The following ANK1 variants were observed in gnomAD, a reference collection of about 807,000 sequenced individuals.
ANK1 encodes the protein ankyrin 1.
In ANK1, 51 loss-of-function variants were observed where a neutral mutation model predicts 210.4. The ratio of observed to expected loss-of-function variants is 0.24; its 90% CI spans 0.19 to 0.31. The LOEUF (loss-of-function observed/expected upper bound fraction) is 0.31. Among genes scored for constraint, ANK1 ranks in the 10% least tolerant of loss-of-function variants. The probability of loss-of-function intolerance (pLI) is 1.00; values close to 1 mark genes in which losing one functional copy is unlikely to be tolerated. For missense variants in ANK1, 2,051 were observed against 2,504.4 expected (o/e 0.82, Z 3.86); for synonymous variants, 967 against 1,025.9 (o/e 0.94, Z 1.10).
At chr8:41,664,194 T>A (rs565580603) in intron 39 of ANK1, 29 of 457,082 alleles carry the variant, frequency 6.3e-5, no homozygotes, top group Non-Finnish European at 1.0e-4. Flanking sequence ...CCGGGTGCAA[T>A]CCCATGGTGG....
At chr8:41,696,330 A>G in intron 26 of ANK1, 33 bp downstream of exon 26, 1 of 1,607,372 alleles carries the variant, frequency 6.2e-7, no homozygotes, top group Non-Finnish European at 8.5e-7. Flanking sequence ...GCACAGGGAC[A>G]GGGGAGAACA....
chr8:41,806,175 C>A (rs376945231), intron 1 of ANK1, among the ~76,000 whole-genome samples: 31 of 152,296 alleles, frequency 2.0e-4, no homozygotes, highest in African/African-American at 7.0e-4. Flanking sequence ...GAAGTTTAGG[C>A]ACTCAAATAT....
chr8:41,706,094 G>A (rs746765759), intron 18 of ANK1, 49 bp downstream of exon 18: 20 of 1,540,902 alleles, frequency 1.3e-5, no homozygotes, highest in Non-Finnish European at 1.6e-5. Context: ...CAATTCTGAA[G>A]TGTGAGCAAG....
In ANK1 at chr8:41,724,474, G is replaced by A. The variant is rs200597167; in HGVS notation, c.693C>T (p.Ser231=). 6.0e-5 allele frequency: 95 copies of A among 1,589,516 alleles called. No homozygotes were observed. The highest frequency in any genetic ancestry group is 3.2e-4 in the African/African-American group (24 of 74,654). ...VAQLLLNRGA[S]VNFTPQNGIT... is the part of the protein sequence containing the mutation. The stretch of plus-strand genomic sequence containing the variant: ...GGGTTACCTGTGGTGTGAAATTGAC[G>A]CTGGCTCCTCTGTTGAGGAGCAACT... The change falls in exon 7 of 43, where the codon AGC becomes AGT. Residue 231 remains serine, a synonymous_variant. Coordinates refer to ENST00000289734, the MANE Select transcript of ANK1 (RefSeq NM_000037.4).
At chr8:41,756,657 G>T (rs1295661586) in intron 2 of ANK1, among the ~76,000 whole-genome samples, 1 of 152,066 alleles carries the variant, frequency 6.6e-6, no homozygotes, top group Non-Finnish European at 1.5e-5. Context: ...TGGCCAGGCT[G>T]GTCTCGAACT....
chr8:41,689,382 C>A (rs944768179), intron 33 of ANK1, among the ~76,000 whole-genome samples: 1 of 151,892 alleles, frequency 6.6e-6, no homozygotes, highest in Non-Finnish European at 1.5e-5. Flanking sequence ...CTTGCCCCAG[C>A]CTCCCAAAGC....
intron 37 of ANK1, 97 bp from the exon 38 acceptor site, chr8:41,673,009 G>A (rs975646795): frequency 7.7e-7 from 1 of 1,299,166 alleles, no homozygotes; most frequent in Non-Finnish European, 1.1e-6. Flanking sequence ...CACACATGCG[G>A]GTGCGGCCAC....
In ANK1 at chr8:41,746,840, C is replaced by G. The variant is rs116501237; in HGVS notation, c.129+11196G>C. On this transcript the variant is annotated intron_variant, in intron 2 of 42. Coordinates refer to ENST00000289734, the MANE Select transcript of ANK1 (RefSeq NM_000037.4). ...AATATCTCCTATGGACTAGAAAGAG[C>G]ATCTATGCCCGAGATCTTGGTATTC... 6.3e-3 allele frequency among the ~76,000 whole-genome samples: 943 copies of G among 148,568 alleles called. 15 individuals carry two copies. The highest frequency in any genetic ancestry group is 0.022 in the African/African-American group (880 of 40,346).
chr8:41,674,404 TC>T (rs151097805), intron 37 of ANK1, among the ~76,000 whole-genome samples: 3 of 152,330 alleles, frequency 2.0e-5, no homozygotes, highest in East Asian at 3.9e-4. Flanking sequence ...TGTTGCTCCC[TC>T]CCATCTCTGA....
In ANK1 at chr8:41,832,740, A is replaced by G. The variant is rs374251041; in HGVS notation, c.126+63615T>C. On this transcript the variant is annotated intron_variant, in intron 1 of 42. Coordinates refer to the ANK1 transcript ENST00000265709. ...AATACAGGATACCCAATACATTTGA[A>G]TTTCAGATAAAAAATAAATAACGTT... 1.4e-3 allele frequency among the ~76,000 whole-genome samples: 209 copies of G among 152,346 alleles called. 2 individuals are homozygous for G. The highest frequency in any genetic ancestry group is 4.9e-3 in the African/African-American group (202 of 41,572).
At position 41,702,131 on chromosome 8, in the gene ANK1, G is replaced by A; in HGVS notation, c.2309C>T (p.Pro770Leu). ...PNEVSSDGTTPLAIAKRLGYI... is the reference protein window; with the variant it reads ...PNEVSSDGTTLLAIAKRLGYI... Reference sequence around the variant, plus strand: ...GCCCAAGCGCTTGGCTATGGCCAGAGGTGTGGTTCCATCCTGGGGAAAGAG... The same window carrying A: ...GCCCAAGCGCTTGGCTATGGCCAGAAGTGTGGTTCCATCCTGGGGAAAGAG... The change falls in exon 21 of 43, where the codon CCT becomes CTT. Residue 770 changes from proline to leucine, a missense_variant. Coordinates refer to ENST00000289734, the MANE Select transcript of ANK1 (RefSeq NM_000037.4). 1 of 1,614,176 alleles carries A rather than the reference G, an allele frequency of 6.2e-7. No individual in the cohort carries two copies. Among genetic ancestry groups the A allele is most frequent in the Non-Finnish European group, 8.5e-7 (1 of 1,180,038 alleles).
At chr8:41,679,221 A>G (rs1429936029) in intron 37 of ANK1, among the ~76,000 whole-genome samples, 1 of 152,090 alleles carries the variant, frequency 6.6e-6, no homozygotes, top group Non-Finnish European at 1.5e-5. Flanking sequence ...GACATTGCGA[A>G]TTTTACCTTG....
intron 2 of ANK1, among the ~76,000 whole-genome samples, chr8:41,750,394 G>A (rs764975802): frequency 1.2e-4 from 19 of 152,308 alleles, no homozygotes; most frequent in East Asian, 1.9e-4. Context: ...TACTCGACCC[G>A]TGGGGCTAAC....
intron 36 of ANK1, among the ~76,000 whole-genome samples, 176 bp downstream of exon 36, chr8:41,685,976 G>A (rs1036980657): frequency 2.6e-5 from 4 of 152,248 alleles, no homozygotes; most frequent in African/African-American, 9.6e-5. Context: ...CTCTGGTCAT[G>A]CCTTCTGGCA....
intron 1 of ANK1, among the ~76,000 whole-genome samples, chr8:41,792,534 C>T (rs1847953110): frequency 6.6e-6 from 1 of 152,312 alleles, no homozygotes; most frequent in African/African-American, 2.4e-5. Flanking sequence ...GCCCCAGGTT[C>T]AAGACCTTGG....
At chr8:41,796,477 C>T (rs1055828183) in intron 1 of ANK1, among the ~76,000 whole-genome samples, 2 of 151,288 alleles carry the variant, frequency 1.3e-5, no homozygotes, top group African/African-American at 4.9e-5. Context: ...ACCAACTTAA[C>T]CTGAATTGCT....
chr8:41,870,378 T>C (rs1815243110), intron 1 of ANK1, among the ~76,000 whole-genome samples: 1 of 152,184 alleles, frequency 6.6e-6, no homozygotes. Flanking sequence ...TTCACTCGTG[T>C]TCATTCATTC....
At position 41,782,412 on chromosome 8, in the gene ANK1, C is replaced by A. The variant is rs140592757; in HGVS notation, c.27+15100G>T. ...GCAGGTCCCTTAATGTCACCCTCTG[C>A]GTCTCCTTTTACCTATTTGCCACTA... On this transcript the variant is annotated intron_variant, in intron 1 of 42. Coordinates refer to ENST00000289734, the MANE Select transcript of ANK1 (RefSeq NM_000037.4). Among the ~76,000 whole-genome samples, 157 of 152,264 alleles carry A rather than the reference C, an allele frequency of 1.0e-3. 2 individuals carry two copies. In the East Asian group the frequency reaches 0.021, roughly 20 times the overall value.
intron 1 of ANK1, among the ~76,000 whole-genome samples, chr8:41,778,859 ATCCG>A (rs1196245426): frequency 1.3e-5 from 2 of 152,200 alleles, no homozygotes; most frequent in African/African-American, 4.8e-5. Flanking sequence ...CTTGTTTAGG[ATCCG>A]ACACTGAACA....
Sources: gnomAD v4.1 joint callset for allele counts (sites outside exome capture counted in the v4.1 genomes callset) on GRCh38, gnomAD v4.1.1 for gene constraint, MANE v1.5 for transcripts, NCBI Gene and HGNC (gene_info 2026-07-23, HGNC 2026-07-21) for gene names.